Variants in PRR16 observed in about 807,000 individuals in gnomAD.
PRR16 encodes protein Largen.
PRR16 carries 6 observed loss-of-function variants against 18.2 expected under a neutral mutation model. That is an observed-to-expected ratio of 0.33 (90% CI 0.18 to 0.65). PRR16 has a LOEUF of 0.65. Among genes scored for constraint, PRR16 ranks in the 30% least tolerant of loss-of-function variants. The probability of loss-of-function intolerance (pLI) is 0.74; values close to 1 mark genes in which losing one functional copy is unlikely to be tolerated. For synonymous variants in PRR16, 151 were observed against 147.8 expected, an observed-to-expected ratio of 1.02 and a Z score of -0.16; for missense variants, 412 against 376.6, an observed-to-expected ratio of 1.09 and a Z score of -0.78.
intron 1 of PRR16, among the ~76,000 whole-genome samples, chr5:120,637,102 A>G (rs1349725841): frequency 6.6e-6 from 1 of 152,090 alleles, no homozygotes; most frequent in Non-Finnish European, 1.5e-5. Flanking sequence ...CACTCCTGCA[A>G]GAATGGCCAT....
the PRR16 span, among the ~76,000 whole-genome samples, chr5:120,739,130 G>A: frequency 2.6e-5 from 4 of 152,044 alleles, no homozygotes; most frequent in Non-Finnish European, 4.4e-5. Context: ...ATTTTGGGAG[G>A]CCACTCTAAC....
intron 1 of PRR16, among the ~76,000 whole-genome samples, chr5:120,623,831 C>T (rs1754766821): frequency 6.6e-6 from 1 of 151,936 alleles, no homozygotes; most frequent in African/African-American, 2.4e-5. Flanking sequence ...TACGTTTAGT[C>T]AGGACTTTTC....
At chr5:120,470,241 A>C (rs1248935387) in intron 1 of PRR16, among the ~76,000 whole-genome samples, 6 of 152,298 alleles carry the variant, frequency 3.9e-5, no homozygotes, top group Non-Finnish European at 7.4e-5. Flanking sequence ...ACTGACATCA[A>C]GCTGCAAATA....
the PRR16 span, among the ~76,000 whole-genome samples, chr5:120,763,254 C>G: frequency 6.6e-6 from 1 of 151,950 alleles, no homozygotes; most frequent in African/African-American, 2.4e-5. Flanking sequence ...TCAAGCAATT[C>G]TGCCTCAGCC....
At chr5:120,562,508 G>A (rs1027783733) in intron 1 of PRR16, among the ~76,000 whole-genome samples, 1 of 151,924 alleles carries the variant, frequency 6.6e-6, no homozygotes, top group African/African-American at 2.4e-5. Flanking sequence ...ACTTTCTCCT[G>A]ACATTTTGTT....
At chr5:120,726,461 T>G in the PRR16 span, among the ~76,000 whole-genome samples, 1 of 151,986 alleles carries the variant, frequency 6.6e-6, no homozygotes, top group Admixed American at 6.6e-5. Context: ...ATACAGATAT[T>G]TAAGAATCAT....
rs530399438 is a variant in PRR16 at position 120,481,203 on chromosome 5, A to C, written c.159+16558A>C. On this transcript the variant is annotated intron_variant, in intron 1 of 1. Transcript: ENST00000407149. ...CACTCTGTTGCCCAGGCTAGAGTGCAATGGCACAATCTGGGCTCACTGCAA... is the reference window on the plus strand; with the variant it reads ...CACTCTGTTGCCCAGGCTAGAGTGCCATGGCACAATCTGGGCTCACTGCAA... 13 of 783,074 alleles carry C rather than the reference A, an allele frequency of 1.7e-5. No homozygotes were observed. In the East Asian group the frequency reaches 8.8e-4, roughly 53 times the overall value. The allele number at this position is 783,074 out of a possible 1,614,324, so 48.5% of individuals were successfully genotyped here.
chr5:120,511,200 T>C (rs1446915856), intron 1 of PRR16, among the ~76,000 whole-genome samples: 1 of 152,188 alleles, frequency 6.6e-6, no homozygotes, highest in African/African-American at 2.4e-5. Flanking sequence ...ATTAAAAGCC[T>C]GTACAGGTTG....
intron 1 of PRR16, among the ~76,000 whole-genome samples, chr5:120,507,099 C>T (rs1216400239): frequency 6.6e-6 from 1 of 152,012 alleles, no homozygotes; most frequent in Non-Finnish European, 1.5e-5. Context: ...GATGATTTGT[C>T]TTAAAGGACA....
chr5:120,577,471 T>A (rs1753117875), intron 1 of PRR16, among the ~76,000 whole-genome samples: 2 of 151,838 alleles, frequency 1.3e-5, no homozygotes, highest in South Asian at 4.1e-4. Flanking sequence ...AAAGGAATAA[T>A]ACCAATGTTC....
chr5:120,707,160 A>C, the PRR16 span, among the ~76,000 whole-genome samples: 1 of 152,198 alleles, frequency 6.6e-6, no homozygotes, highest in African/African-American at 2.4e-5. Context: ...AGTCTTATTT[A>C]ACATTTAGAA....
chr5:120,733,342 GT>G, the PRR16 span, among the ~76,000 whole-genome samples: 1 of 152,014 alleles, frequency 6.6e-6, no homozygotes, highest in Non-Finnish European at 1.5e-5. Context: ...AAGAGATGGG[GT>G]CTCACTATGG....
chr5:120,662,898 A>G (rs1756225808), intron 1 of PRR16, among the ~76,000 whole-genome samples: 1 of 152,108 alleles, frequency 6.6e-6, no homozygotes, highest in Non-Finnish European at 1.5e-5. Context: ...CTTTGTACTT[A>G]TTGTAGAATA....
chr5:120,641,155 A>T (rs571241411), intron 1 of PRR16, among the ~76,000 whole-genome samples: 1 of 152,298 alleles, frequency 6.6e-6, no homozygotes, highest in Admixed American at 6.5e-5. Context: ...CTGAGGCAAT[A>T]GCAAATATGA....
intron 1 of PRR16, among the ~76,000 whole-genome samples, chr5:120,565,167 T>A (rs569552646): frequency 3.3e-5 from 5 of 152,242 alleles, no homozygotes; most frequent in South Asian, 2.1e-4. Flanking sequence ...GGCTTTTTTT[T>A]AACCTAAGAT....
chr5:120,597,639 C>G (rs112984756), intron 1 of PRR16, among the ~76,000 whole-genome samples: 120 of 151,812 alleles, frequency 7.9e-4, no homozygotes, highest in Non-Finnish European at 1.2e-3. Context: ...ATTCTGTTCT[C>G]TTGCTTGATC....
chr5:120,731,801 A>G, the PRR16 span, among the ~76,000 whole-genome samples: 1 of 152,214 alleles, frequency 6.6e-6, no homozygotes, highest in Non-Finnish European at 1.5e-5. Context: ...ATGCTCACTC[A>G]TTTAGAACAT....
At chr5:120,618,427 A>G in intron 1 of PRR16, 1 of 941,484 alleles carries the variant, frequency 1.1e-6, no homozygotes, top group Non-Finnish European at 1.3e-6. Flanking sequence ...TAGTAATTAT[A>G]CTGTTTTTTA....
At chr5:120,681,495 C>T (rs1345943138) in intron 1 of PRR16, among the ~76,000 whole-genome samples, 1 of 152,068 alleles carries the variant, frequency 6.6e-6, no homozygotes, top group African/African-American at 2.4e-5. Flanking sequence ...TTACCCTGTC[C>T]CAAATTAGTC....
Sources: allele counts gnomAD v4.1 joint callset (sites outside exome capture counted in the v4.1 genomes callset), GRCh38; gene constraint gnomAD v4.1.1; transcripts MANE v1.5; gene names NCBI Gene and HGNC (gene_info 2026-07-23, HGNC 2026-07-21).